ADAMTSL3: variants seen among roughly 807,000 people sequenced by gnomAD.
The protein encoded by ADAMTSL3 is ADAMTS like 3.
Under a neutral mutation model 201.7 loss-of-function variants are expected in ADAMTSL3, and 128 were observed. The observed-to-expected ratio is 0.63, with a 90% CI of 0.55 to 0.73. The LOEUF (loss-of-function observed/expected upper bound fraction) is 0.73, where lower values mean the gene tolerates loss of function less well. ADAMTSL3 is among the 30% of genes least tolerant of loss of function. The pLI is 0.00. For missense variants in ADAMTSL3, 1,990 were observed against 2,119.6 expected, an observed-to-expected ratio of 0.94 and a Z score of 1.20; for synonymous variants, 738 against 748.4, an observed-to-expected ratio of 0.99 and a Z score of 0.23.
intron 14 of ADAMTSL3, among the ~76,000 whole-genome samples, chr15:83,899,323 G>C (rs1229443383): frequency 6.6e-6 from 1 of 152,174 alleles, no homozygotes; most frequent in Non-Finnish European, 1.5e-5. Flanking sequence ...AGCTGATATG[G>C]TTGAAGTAAA....
intron 22 of ADAMTSL3, among the ~76,000 whole-genome samples, chr15:83,989,272 C>G (rs1475000153): frequency 1.3e-5 from 2 of 152,168 alleles, no homozygotes; most frequent in Admixed American, 1.3e-4. Flanking sequence ...ATACAGATTG[C>G]TGGACTCCAC....
chr15:83,871,278 G>A (rs1383304694), intron 9 of ADAMTSL3, among the ~76,000 whole-genome samples: 3 of 152,200 alleles, frequency 2.0e-5, no homozygotes, highest in Non-Finnish European at 4.4e-5. Flanking sequence ...TCAGGCTGCT[G>A]CAGTGGCTAT....
chr15:83,801,507 T>A (rs1424691327), intron 4 of ADAMTSL3, among the ~76,000 whole-genome samples: 1 of 150,476 alleles, frequency 6.6e-6, no homozygotes, highest in Non-Finnish European at 1.5e-5. Context: ...GAAGTTAATA[T>A]TAAAAATGTA....
intron 19 of ADAMTSL3, among the ~76,000 whole-genome samples, chr15:83,949,377 A>T (rs1464385710): frequency 6.6e-6 from 1 of 152,122 alleles, no homozygotes; most frequent in Non-Finnish European, 1.5e-5. Context: ...TCCATTGTGT[A>T]TATGTACCAC....
intron 23 of ADAMTSL3, among the ~76,000 whole-genome samples, chr15:84,001,998 A>C (rs1164813348): frequency 6.6e-6 from 1 of 152,198 alleles, no homozygotes; most frequent in African/African-American, 2.4e-5. Flanking sequence ...TATTTGGATT[A>C]TTGATTTAGC....
intron 9 of ADAMTSL3, among the ~76,000 whole-genome samples, chr15:83,881,001 G>T (rs2065259482): frequency 6.6e-6 from 1 of 151,908 alleles, no homozygotes; most frequent in Non-Finnish European, 1.5e-5. Context: ...GTGGAAGAAA[G>T]GTTGTGGATA....
At chr15:83,754,196 A>G (rs1394255633) in intron 3 of ADAMTSL3, among the ~76,000 whole-genome samples, 1 of 152,114 alleles carries the variant, frequency 6.6e-6, no homozygotes, top group African/African-American at 2.4e-5. Context: ...GGCATCTCAA[A>G]ATGTTCCCTG....
intron 1 of ADAMTSL3, 60 bp from the exon 2 acceptor site, chr15:83,655,669 C>A: frequency 7.8e-7 from 1 of 1,287,966 alleles, no homozygotes; most frequent in South Asian, 1.3e-5. Flanking sequence ...TCGCTTAAGT[C>A]ACGGTTTACT....
At chr15:83,756,344 G>A (rs1375150629) in intron 3 of ADAMTSL3, among the ~76,000 whole-genome samples, 5 of 152,182 alleles carry the variant, frequency 3.3e-5, no homozygotes, top group Admixed American at 3.3e-4. Context: ...CATACTCATG[G>A]CAGAAGACAA....
At chr15:83,888,777 G>A (rs1346660178) in intron 10 of ADAMTSL3, among the ~76,000 whole-genome samples, 1 of 152,100 alleles carries the variant, frequency 6.6e-6, no homozygotes, top group African/African-American at 2.4e-5. Context: ...TCATTCTTGC[G>A]GTTTCGACCT....
chr15:83,804,802 G>A, intron 5 of ADAMTSL3, 107 bp downstream of exon 5: 3 of 780,684 alleles, frequency 3.8e-6, no homozygotes, highest in Non-Finnish European at 3.8e-6. Context: ...TACCCTTTGT[G>A]GAAAACTTAA....
At chr15:84,037,678 G>A (rs1186667576) in intron 29 of ADAMTSL3, 22 bp from the exon 30 acceptor site, 1 of 1,579,992 alleles carries the variant, frequency 6.3e-7, no homozygotes, top group East Asian at 2.2e-5. Flanking sequence ...ATATGTTACA[G>A]ATATTTGTTT....
At chr15:83,852,957 A>G (rs1010658355) in intron 7 of ADAMTSL3, among the ~76,000 whole-genome samples, 1 of 152,108 alleles carries the variant, frequency 6.6e-6, no homozygotes, top group African/African-American at 2.4e-5. Context: ...CCTGGGTTCA[A>G]GTGATTCTCC....
At chr15:83,934,978 A>G (rs934657884) in intron 17 of ADAMTSL3, among the ~76,000 whole-genome samples, 3 of 152,198 alleles carry the variant, frequency 2.0e-5, no homozygotes, top group Admixed American at 2.0e-4. Context: ...TCTCACTTAC[A>G]GGTGGGAGCT....
chr15:83,889,997 A>T, intron 10 of ADAMTSL3, 112 bp from the exon 11 acceptor site: 1 of 1,180,220 alleles, frequency 8.5e-7, no homozygotes, highest in Non-Finnish European at 1.2e-6. Context: ...GTTGAGAACC[A>T]CTGAGTTAAG....
At chr15:83,946,422 G>A (rs530033383) in intron 19 of ADAMTSL3, among the ~76,000 whole-genome samples, 1 of 152,270 alleles carries the variant, frequency 6.6e-6, no homozygotes, top group South Asian at 2.1e-4. Flanking sequence ...ACTTCCTAAA[G>A]TCACCCAGCA....
At chr15:83,789,145 T>C (rs1402764034) in intron 4 of ADAMTSL3, among the ~76,000 whole-genome samples, 2 of 152,226 alleles carry the variant, frequency 1.3e-5, no homozygotes, top group Non-Finnish European at 2.9e-5. Flanking sequence ...ACTCCCATTA[T>C]TCAGATATTA....
chr15:83,704,018 A>AAG (rs1555431957), intron 2 of ADAMTSL3, among the ~76,000 whole-genome samples: 12 of 145,982 alleles, frequency 8.2e-5, no homozygotes, highest in Middle Eastern at 3.5e-3. Context: ...AAAAAAAAAA[A>AAG]CACAAAAGGA....
Position 83,661,139 on chromosome 15 carries a change from A to G in ADAMTSL3, c.69+5309A>G, listed in dbSNP as rs529683867. On this transcript the variant is annotated intron_variant, in intron 2 of 29. Coordinates refer to ENST00000286744, the MANE Select transcript of ADAMTSL3 (RefSeq NM_207517.3). ...GGGCTCTGTTCTGTTCCATTGATCT[A>G]TATCTCTGTTTTGGTACCAGTACCA... Among the ~76,000 whole-genome samples, 8 of 150,682 alleles carry G rather than the reference A, an allele frequency of 5.3e-5. No individual in the cohort carries two copies. In the East Asian group the frequency reaches 1.6e-3, roughly 29 times the overall value.
Sources: gnomAD v4.1 joint callset for allele counts (sites outside exome capture counted in the v4.1 genomes callset) on GRCh38, gnomAD v4.1.1 for gene constraint, MANE v1.5 for transcripts, NCBI Gene and HGNC (gene_info 2026-07-23, HGNC 2026-07-21) for gene names.